CSMD3: variants seen among roughly 807,000 people sequenced by gnomAD.
CSMD3 encodes the protein CUB and sushi domain-containing protein 3.
CSMD3 carries 177 observed loss-of-function variants against 435.2 expected under a neutral mutation model. The observed-to-expected ratio is 0.41, with a 90% CI of 0.36 to 0.46. The LOEUF (loss-of-function observed/expected upper bound fraction) is 0.46. Among genes scored for constraint, CSMD3 ranks in the 20% least tolerant of loss-of-function variants. The pLI, the probability that CSMD3 is intolerant of heterozygous loss-of-function variation, is 0.34. For synonymous variants in CSMD3, 1,656 were observed against 1,520.5 expected (o/e 1.09, Z -2.07); for missense variants, 4,265 against 4,504.6 (o/e 0.95, Z 1.52).
At chr8:113,341,594 A>T (rs2094119110) in intron 1 of CSMD3, among the ~76,000 whole-genome samples, 1 of 152,110 alleles carries the variant, frequency 6.6e-6, no homozygotes, top group Non-Finnish European at 1.5e-5. Flanking sequence ...TATATGAGAC[A>T]TGCTATAATA....
intron 32 of CSMD3, among the ~76,000 whole-genome samples, chr8:112,471,426 C>A (rs961298338): frequency 6.6e-6 from 1 of 152,136 alleles, no homozygotes; most frequent in Non-Finnish European, 1.5e-5. Context: ...CTATCAAAGA[C>A]CTAACCTTTG....
intron 19 of CSMD3, among the ~76,000 whole-genome samples, chr8:112,648,096 C>T (rs73338524): frequency 6.6e-6 from 1 of 152,238 alleles, no homozygotes; most frequent in African/African-American, 2.4e-5. Flanking sequence ...ATTAGGCAAC[C>T]TAGGTCAATC....
At chr8:112,301,032 A>C (rs1033765384) in intron 53 of CSMD3, among the ~76,000 whole-genome samples, 3 of 152,156 alleles carry the variant, frequency 2.0e-5, no homozygotes, top group African/African-American at 7.2e-5. Flanking sequence ...ATAAGTGAAT[A>C]ATCATTAGAA....
At chr8:113,274,146 T>C (rs2093551739) in intron 3 of CSMD3, among the ~76,000 whole-genome samples, 1 of 152,080 alleles carries the variant, frequency 6.6e-6, no homozygotes, top group Admixed American at 6.6e-5. Context: ...ATAAAAATTT[T>C]AAATGTATAG....
chr8:112,681,218 T>C (rs2075886330), intron 16 of CSMD3, among the ~76,000 whole-genome samples: 2 of 151,288 alleles, frequency 1.3e-5, no homozygotes, highest in Admixed American at 1.3e-4. Context: ...TTCTTATTAA[T>C]ATTATTATTT....
chr8:113,314,358 T>C (rs960942368), intron 2 of CSMD3: 2 of 547,604 alleles, frequency 3.7e-6, no homozygotes, highest in African/African-American at 3.8e-5. Flanking sequence ...ATATTCACCT[T>C]TGTGAGACAT....
chr8:112,258,558 A>C (rs542067916), intron 61 of CSMD3, among the ~76,000 whole-genome samples: 3 of 152,342 alleles, frequency 2.0e-5, no homozygotes, highest in South Asian at 2.1e-4. Context: ...AGAGAAATGC[A>C]ACTCAAAACC....
At chr8:113,118,147 G>A (rs1042468631) in intron 4 of CSMD3, among the ~76,000 whole-genome samples, 13 of 152,038 alleles carry the variant, frequency 8.6e-5, no homozygotes, top group African/African-American at 2.2e-4. Flanking sequence ...CATCAGTCTC[G>A]ATTACAATAT....
At chr8:113,405,577 A>G (rs1335477850) in intron 1 of CSMD3, among the ~76,000 whole-genome samples, 1 of 151,710 alleles carries the variant, frequency 6.6e-6, no homozygotes, top group Non-Finnish European at 1.5e-5. Flanking sequence ...AGTCAGTTTC[A>G]CAGGAAGCAT....
intron 13 of CSMD3, among the ~76,000 whole-genome samples, chr8:112,698,456 C>G (rs868447655): frequency 8.0e-6 from 1 of 125,536 alleles, no homozygotes. Flanking sequence ...TATTGAGTAC[C>G]CAGATTTGGT....
intron 3 of CSMD3, among the ~76,000 whole-genome samples, chr8:113,186,675 C>A (rs1324236022): frequency 6.6e-6 from 1 of 151,986 alleles, no homozygotes; most frequent in Admixed American, 6.6e-5. Context: ...CTTCGGGGCA[C>A]TGCTACACAA....
intron 3 of CSMD3, among the ~76,000 whole-genome samples, chr8:113,239,286 C>T (rs1422555960): frequency 6.6e-6 from 1 of 151,938 alleles, no homozygotes; most frequent in African/African-American, 2.4e-5. Flanking sequence ...TCATGTGAGC[C>T]AATTCCTTAT....
At chr8:112,598,470 T>C (rs1831977768) in intron 22 of CSMD3, among the ~76,000 whole-genome samples, 1 of 147,984 alleles carries the variant, frequency 6.8e-6, no homozygotes, top group South Asian at 2.2e-4. Context: ...TTCAATGCCA[T>C]CCCCATAAAG....
intron 28 of CSMD3, among the ~76,000 whole-genome samples, chr8:112,511,564 G>A (rs1823140097): frequency 6.6e-6 from 1 of 151,746 alleles, no homozygotes; most frequent in Non-Finnish European, 1.5e-5. Context: ...TAATTTTGTT[G>A]TATTTTTAGT....
chr8:112,357,671 C>T (rs1012551387), intron 38 of CSMD3, among the ~76,000 whole-genome samples: 9 of 152,074 alleles, frequency 5.9e-5, no homozygotes, highest in African/African-American at 2.2e-4. Flanking sequence ...TGACCTTCAT[C>T]CCAGCCTCAA....
At chr8:112,321,799 GTACAGAAGGGT>G (rs1823019911) in intron 45 of CSMD3, among the ~76,000 whole-genome samples, 1 of 152,112 alleles carries the variant, frequency 6.6e-6, no homozygotes, top group South Asian at 2.1e-4. Flanking sequence ...AAACACCACT[GTACAGAAGGGT>G]TACTGCTAGA....
chr8:112,496,960 ATTGT>A (rs1232936106), intron 30 of CSMD3, among the ~76,000 whole-genome samples: 8 of 152,160 alleles, frequency 5.3e-5, no homozygotes, highest in African/African-American at 1.9e-4. Flanking sequence ...GTATAGTTTG[ATTGT>A]TTGTAACACA....
At position 112,349,297 on chromosome 8, in the gene CSMD3, T is replaced by C. The variant is rs565856872; in HGVS notation, c.6325+1878A>G. Among the ~76,000 whole-genome samples, 6 of 152,214 alleles carry C rather than the reference T, an allele frequency of 3.9e-5. No homozygotes were observed. The East Asian group carries it at 1.2e-3, about 29-fold the overall frequency. ...TTTGTTTCAGTTGTAGTTTTTGACATTTCAAATTTTGAAAACAATATGGTA... is the reference window on the plus strand; with the variant it reads ...TTTGTTTCAGTTGTAGTTTTTGACACTTCAAATTTTGAAAACAATATGGTA... On this transcript the variant is annotated intron_variant, in intron 40 of 70. Transcript: ENST00000297405.
chr8:112,542,246 G>C (rs751223072), intron 27 of CSMD3, among the ~76,000 whole-genome samples: 18 of 147,220 alleles, frequency 1.2e-4, no homozygotes, highest in Admixed American at 4.8e-4. Context: ...CCAAGATCAG[G>C]AATAAGCCAA....
Sources: gnomAD v4.1 joint callset for allele counts (sites outside exome capture counted in the v4.1 genomes callset) on GRCh38, gnomAD v4.1.1 for gene constraint, MANE v1.5 for transcripts, NCBI Gene and HGNC (gene_info 2026-07-23, HGNC 2026-07-21) for gene names.